TACR1: variants seen among roughly 807,000 people sequenced by gnomAD.
TACR1 encodes the protein substance-P receptor.
A neutral mutation model predicts 35.8 loss-of-function variants in TACR1; 25 were observed. The observed-to-expected ratio is 0.70, with a 90% CI of 0.51 to 0.98. The LOEUF (loss-of-function observed/expected upper bound fraction) is 0.98, where lower values mean the gene tolerates loss of function less well. Among genes scored for constraint, TACR1 ranks in the 50% least tolerant of loss-of-function variants. TACR1 has a pLI of 0.00. For synonymous variants in TACR1, 195 were observed against 206.7 expected (o/e 0.94, Z 0.48); for missense variants, 478 against 522.9 (o/e 0.91, Z 0.84).
chr2:75,085,275 G>A (rs572393503), intron 2 of TACR1, among the ~76,000 whole-genome samples: 1 of 151,976 alleles, frequency 6.6e-6, no homozygotes, highest in South Asian at 2.1e-4. Context: ...CAATTTTCCA[G>A]CCCCTTACCC....
chr2:75,127,245 C>G (rs2103921909), intron 1 of TACR1, among the ~76,000 whole-genome samples: 1 of 152,292 alleles, frequency 6.6e-6, no homozygotes, highest in South Asian at 2.1e-4. Flanking sequence ...GTTATTTAAG[C>G]ATATCACTCA....
chr2:75,136,857 G>A (rs1455250966), intron 1 of TACR1, among the ~76,000 whole-genome samples: 3 of 152,214 alleles, frequency 2.0e-5, no homozygotes, highest in Non-Finnish European at 4.4e-5. Flanking sequence ...CACATTCAGA[G>A]CTCCAGGAAG....
chr2:75,114,360 C>T (rs1380863228), intron 2 of TACR1, among the ~76,000 whole-genome samples: 1 of 152,202 alleles, frequency 6.6e-6, no homozygotes, highest in Non-Finnish European at 1.5e-5. Context: ...TTGTCTAAAT[C>T]TCATTTTTTT....
chr2:75,116,311 G>T (rs1673857338), intron 2 of TACR1, among the ~76,000 whole-genome samples: 1 of 152,066 alleles, frequency 6.6e-6, no homozygotes. Context: ...TGTTGCCCAG[G>T]CTGGTCTTGA....
intron 2 of TACR1, among the ~76,000 whole-genome samples, chr2:75,087,484 T>C (rs1673211456): frequency 6.6e-6 from 1 of 152,236 alleles, no homozygotes; most frequent in Non-Finnish European, 1.5e-5. Context: ...TCATTCACCA[T>C]GCACATTTGA....
rs1170367085 is a variant in TACR1 at position 75,057,399 on chromosome 2, T to A, written c.585-3644A>T. Among the ~76,000 whole-genome samples the A allele has an allele frequency of 2.6e-5, 4 of 152,274 alleles. No homozygotes were observed. In the East Asian group the frequency reaches 7.7e-4, roughly 29 times the overall value. ...CCCTTCACTGACTCTCTTTTTGGAC[T>A]CAGCCCGCCTGCACCCAGGTGGAAT... is the stretch of plus-strand genomic sequence containing the variant. On this transcript the variant is annotated intron_variant, in intron 2 of 4. Coordinates refer to ENST00000305249, the MANE Select transcript of TACR1 (RefSeq NM_001058.4).
intron 1 of TACR1, among the ~76,000 whole-genome samples, chr2:75,183,625 G>A (rs763343441): frequency 6.6e-6 from 1 of 152,190 alleles, no homozygotes; most frequent in Non-Finnish European, 1.5e-5. Context: ...TGCTCACTGA[G>A]AACCGCTGCA....
chr2:75,146,003 C>G (rs1674503447), intron 1 of TACR1, among the ~76,000 whole-genome samples: 1 of 152,146 alleles, frequency 6.6e-6, no homozygotes, highest in Non-Finnish European at 1.5e-5. Flanking sequence ...GGCCAAAGAT[C>G]AAATCCTAGA....
intron 1 of TACR1, among the ~76,000 whole-genome samples, chr2:75,180,133 C>T (rs1675528517): frequency 6.6e-6 from 1 of 152,170 alleles, no homozygotes; most frequent in African/African-American, 2.4e-5. Context: ...ACCATCTCTT[C>T]AGAAAAGCCT....
intron 1 of TACR1, among the ~76,000 whole-genome samples, chr2:75,191,513 C>T (rs1429291845): frequency 3.3e-5 from 5 of 152,042 alleles, no homozygotes; most frequent in East Asian, 1.9e-4. Context: ...CTCCTCCAAT[C>T]GGAAGTCTTT....
At chr2:75,078,728 G>T (rs1415381397) in intron 2 of TACR1, among the ~76,000 whole-genome samples, 2 of 152,144 alleles carry the variant, frequency 1.3e-5, no homozygotes, top group East Asian at 3.9e-4. Context: ...CATCAGAAGA[G>T]CAAATAGTAA....
At chr2:75,146,729 A>G (rs1367707229) in intron 1 of TACR1, among the ~76,000 whole-genome samples, 1 of 152,228 alleles carries the variant, frequency 6.6e-6, no homozygotes, top group African/African-American at 2.4e-5. Context: ...TTCCTCATCT[A>G]TAAAATAGAG....
intron 1 of TACR1, among the ~76,000 whole-genome samples, chr2:75,138,315 GGTGCT>G (rs558386271): frequency 1.1e-4 from 16 of 152,328 alleles, no homozygotes; most frequent in Middle Eastern, 6.8e-3. Flanking sequence ...CTATGTGCCA[GGTGCT>G]GTGTACCATG....
At chr2:75,150,669 C>T (rs1230473809) in intron 1 of TACR1, among the ~76,000 whole-genome samples, 3 of 152,092 alleles carry the variant, frequency 2.0e-5, no homozygotes, top group African/African-American at 7.2e-5. Context: ...CAAACAAATA[C>T]AATAAACTGG....
At chr2:75,108,801 T>C (rs532775058) in intron 2 of TACR1, among the ~76,000 whole-genome samples, 45 of 152,308 alleles carry the variant, frequency 3.0e-4, no homozygotes, top group African/African-American at 1.1e-3. Context: ...CTAAATTACT[T>C]TGATGTATCA....
intron 2 of TACR1, among the ~76,000 whole-genome samples, chr2:75,088,328 C>T (rs1673228663): frequency 2.0e-5 from 3 of 146,882 alleles, no homozygotes; most frequent in Middle Eastern, 7.0e-3. Flanking sequence ...CTTCCCTCTC[C>T]ACGCAGCTAA....
Position 75,049,542 on chromosome 2 carries a change from C to T in TACR1, c.1114G>A (p.Gly372Ser), listed in dbSNP as rs1460839935. The stretch of plus-strand genomic sequence containing the variant: ...AGGGACGAGGGTGTGGCCTTGGGGC[C>T]GTCCTCTGGCTCCTCCTCGTGGGCC... The part of the protein sequence containing the change: ...VGAHEEEPED[G>S]PKATPSSLDL... Residue 372 changes from glycine to serine, a missense_variant, in exon 5 of 5, where the codon GGC (glycine) becomes AGC (serine). Physicochemically the swap from Gly to Ser is moderately conservative, Grantham distance 56 (BLOSUM62 0). Coordinates refer to ENST00000305249, the MANE Select transcript of TACR1 (RefSeq NM_001058.4). 1.1e-5 allele frequency: 17 copies of T among 1,614,054 alleles called. No homozygotes were observed. Among genetic ancestry groups the T allele is most frequent in the Admixed American group, 1.7e-5 (1 of 60,014 alleles).
At chr2:75,192,466 T>A (rs1675868932) in intron 1 of TACR1, among the ~76,000 whole-genome samples, 1 of 152,196 alleles carries the variant, frequency 6.6e-6, no homozygotes, top group Non-Finnish European at 1.5e-5. Flanking sequence ...AGTAGAATAT[T>A]TAAGCAGAGT....
intron 1 of TACR1, among the ~76,000 whole-genome samples, chr2:75,185,037 A>G (rs1009007787): frequency 1.3e-5 from 2 of 151,976 alleles, no homozygotes; most frequent in Non-Finnish European, 2.9e-5. Flanking sequence ...GGAAGCATAT[A>G]TGCATGTTGA....
Sources: allele counts gnomAD v4.1 joint callset (sites outside exome capture counted in the v4.1 genomes callset), GRCh38; gene constraint gnomAD v4.1.1; transcripts MANE v1.5; gene names NCBI Gene and HGNC (gene_info 2026-07-23, HGNC 2026-07-21).